Variants in MON2 observed in about 807,000 individuals in gnomAD.
MON2 encodes MON2 regulator of endosome-to-Golgi trafficking.
Under a neutral mutation model 208.6 loss-of-function variants are expected in MON2, and 84 were observed. The observed-to-expected ratio is 0.40, with a 90% CI of 0.34 to 0.48. The LOEUF is 0.48. MON2 is among the 20% of genes least tolerant of loss of function. MON2 has a pLI of 0.59. For missense variants in MON2, 1,611 were observed against 2,015.4 expected (o/e 0.80, Z 3.84); for synonymous variants, 660 against 694.0 (o/e 0.95, Z 0.77).
rs985765352 is a variant in MON2, at chr12:62,513,814, G to T, written c.984+5334G>T. 2.1e-5 allele frequency among the ~76,000 whole-genome samples: 3 copies of T among 145,860 alleles called. 1 individual carries two copies. The highest frequency in any genetic ancestry group is 4.6e-5 in the Non-Finnish European group (3 of 65,716). On this transcript the variant is annotated intron_variant, in intron 8 of 34. Coordinates refer to ENST00000393630, the MANE Select transcript of MON2 (RefSeq NM_015026.3). ...TACAAAAAAAAACTAGCCGAGCGTG[G>T]TGGCAGGCACTTGTAGTCCCAGCTA...
At position 62,467,287 on chromosome 12, in the gene MON2, A is replaced by T; in HGVS notation, c.80A>T (p.Glu27Val). The T allele has an allele frequency of 6.2e-7, 1 of 1,614,076 alleles. No homozygotes were observed. Among genetic ancestry groups the T allele is most frequent in the South Asian group, 1.1e-5 (1 of 91,084 alleles). ...MQSDLRALSLECKKKFPPVKE... is the reference protein window; with the variant it reads ...MQSDLRALSLVCKKKFPPVKE... ...AGCGACTTGCGCGCCTTGTCACTGG[A>T]GTGCAAGAAGAAATTCCCACCTGTC... Residue 27 changes from glutamate to valine, a missense_variant, in exon 1 of 35, where the codon GAG (glutamate) becomes GTG (valine). Coordinates refer to ENST00000393630, the MANE Select transcript of MON2 (RefSeq NM_015026.3).
intron 30 of MON2, among the ~76,000 whole-genome samples, chr12:62,574,232 TTAA>T (rs2074698557): frequency 1.3e-5 from 2 of 152,200 alleles, no homozygotes; most frequent in Admixed American, 1.3e-4. Flanking sequence ...ATTATTGTCA[TTAA>T]TGTTTTTTCT....
intron 12 of MON2, among the ~76,000 whole-genome samples, chr12:62,534,542 A>ATATATATATATAT (rs1306662466): frequency 1.6e-3 from 36 of 22,820 alleles, no homozygotes; most frequent in Non-Finnish European, 2.1e-3. Flanking sequence ...AAAAAAAAAA[A>ATATATATATATAT]ATATATATAT....
At chr12:62,546,685 C>T (rs1048196708) in intron 21 of MON2, among the ~76,000 whole-genome samples, 4 of 152,082 alleles carry the variant, frequency 2.6e-5, no homozygotes, top group East Asian at 1.9e-4. Flanking sequence ...ACCAAGGAGA[C>T]GGAGGTTGCA....
chr12:62,533,074 T>C (rs1454709603), intron 12 of MON2, among the ~76,000 whole-genome samples: 1 of 152,198 alleles, frequency 6.6e-6, no homozygotes, highest in Admixed American at 6.6e-5. Context: ...ACTTGGAAGT[T>C]TCTTAGTTTT....
chr12:62,472,051 T>C (rs1420058496), intron 1 of MON2, among the ~76,000 whole-genome samples: 1 of 152,152 alleles, frequency 6.6e-6, no homozygotes, highest in Admixed American at 6.5e-5. Flanking sequence ...TGGATCACTT[T>C]GGAGAAGTGG....
chr12:62,557,941 TATATATATATATATATATATA>T (rs1204326467), intron 25 of MON2, among the ~76,000 whole-genome samples: 22 of 39,208 alleles, frequency 5.6e-4, no homozygotes, highest in African/African-American at 2.2e-3. Flanking sequence ...TATATATATA[TATATATATATATATATATATA>T]TTTTTTTTTT....
At chr12:62,470,177 G>T (rs749893264) in intron 1 of MON2, among the ~76,000 whole-genome samples, 47 of 152,178 alleles carry the variant, frequency 3.1e-4, no homozygotes, top group Non-Finnish European at 6.2e-4. Flanking sequence ...AAAGTGCTAG[G>T]ATTATAGGCG....
At chr12:62,589,001 T>G (rs1211675229) in intron 34 of MON2, 5 of 772,660 alleles carry the variant, frequency 6.5e-6, no homozygotes, top group East Asian at 3.1e-5. Context: ...CAATTATGCA[T>G]GTACATGACT....
In MON2 at chr12:62,467,068, C is replaced by T; in HGVS notation, c.-140C>T. 3.0e-6 allele frequency: 2 copies of T among 659,338 alleles called. No homozygotes were observed. Among genetic ancestry groups the T allele is most frequent in the South Asian group, 1.8e-5 (1 of 54,920 alleles). 40.8% of individuals were successfully genotyped at this position (659,338 alleles called of 1,614,324 possible). A position where few individuals can be genotyped will look rare whatever the true frequency, so the allele number is the denominator to read the frequency against. On this transcript the variant is annotated 5_prime_UTR_variant, in exon 1 of 35. Coordinates refer to ENST00000393630, the MANE Select transcript of MON2 (RefSeq NM_015026.3). ...TGCTGGGGGACGCTCGAGCAGGCTCCGGGTTCGCAGCCCAGGGCCCAAGAA... is the reference window on the plus strand; with the variant it reads ...TGCTGGGGGACGCTCGAGCAGGCTCTGGGTTCGCAGCCCAGGGCCCAAGAA...
Position 62,475,879 on chromosome 12 carries a change from C to T in MON2, c.112-8291C>T, listed in dbSNP as rs537905283. On this transcript the variant is annotated intron_variant, in intron 1 of 34. Transcript: ENST00000393630. ...ACAAAAAATTACCTGGGCATGGTGG[C>T]GGACGCCTGTAATCCCAGCTACTCG... Among the ~76,000 whole-genome samples the T allele has an allele frequency of 4.3e-4, 66 of 151,804 alleles. No homozygotes were observed. The South Asian group carries it at 0.011, about 24-fold the overall frequency.
intron 25 of MON2, among the ~76,000 whole-genome samples, chr12:62,557,520 A>G (rs2074014209): frequency 1.3e-5 from 2 of 152,300 alleles, no homozygotes; most frequent in East Asian, 1.9e-4. Context: ...ACTACTTTCA[A>G]TTCTGGTGGT....
intron 30 of MON2, among the ~76,000 whole-genome samples, chr12:62,574,676 T>C (rs1201517522): frequency 1.3e-5 from 2 of 152,114 alleles, no homozygotes; most frequent in Non-Finnish European, 2.9e-5. Flanking sequence ...TAAGTTATGG[T>C]TATTCTAGTT....
At chr12:62,493,106 G>A (rs185796690) in intron 2 of MON2, among the ~76,000 whole-genome samples, 6 of 152,194 alleles carry the variant, frequency 3.9e-5, no homozygotes, top group Admixed American at 3.3e-4. Context: ...TTGGAATTCC[G>A]TGTTATTTAT....
At chr12:62,537,475 A>T (rs2073030061) in intron 15 of MON2, 127 bp from the exon 16 acceptor site, 2 of 755,242 alleles carry the variant, frequency 2.6e-6, no homozygotes, top group Admixed American at 3.3e-5. Flanking sequence ...TCCTTATAAA[A>T]CCTTCCAAAT....
At chr12:62,536,743 A>G (rs935912210) in intron 14 of MON2, among the ~76,000 whole-genome samples, 1 of 150,404 alleles carries the variant, frequency 6.6e-6, no homozygotes, top group Non-Finnish European at 1.5e-5. Flanking sequence ...CCTAGAGTGC[A>G]GTGACCCAGA....
In MON2 at chr12:62,495,071, A is replaced by C. The variant is rs759563519; in HGVS notation, c.359A>C (p.Glu120Ala). 6.2e-7 allele frequency: 1 copy of C among 1,611,682 alleles called. No homozygotes were observed. Among genetic ancestry groups the C allele is most frequent in the Non-Finnish European group, 8.5e-7 (1 of 1,178,138 alleles). The stretch of plus-strand genomic sequence containing the variant: ...TGGCAGCTAATGGAGAATAGTCTTG[A>C]AGAACTTAAGCTACTTCAAACAGTT... ...MLWQLMENSL[E>A]ELKLLQTVLV... The change falls in exon 4 of 35, where the codon GAA (glutamate) becomes GCA (alanine). Residue 120 changes from glutamate to alanine, a missense_variant. Glu to Ala is a moderately radical substitution (Grantham distance 107). Coordinates refer to ENST00000393630, the MANE Select transcript of MON2 (RefSeq NM_015026.3).
At chr12:62,575,095 CA>C (rs1374871289) in intron 30 of MON2, among the ~76,000 whole-genome samples, 3 of 152,164 alleles carry the variant, frequency 2.0e-5, no homozygotes, top group African/African-American at 7.2e-5. Flanking sequence ...CACTGCACTC[CA>C]GCCTGGGCAA....
chr12:62,497,513 G>A (rs896276959), intron 4 of MON2, among the ~76,000 whole-genome samples: 1 of 152,172 alleles, frequency 6.6e-6, no homozygotes, highest in Admixed American at 6.5e-5. Context: ...AAAAAAGACC[G>A]TACCAAGTGT....
Sources: gnomAD v4.1 joint callset for allele counts (sites outside exome capture counted in the v4.1 genomes callset) on GRCh38, gnomAD v4.1.1 for gene constraint, MANE v1.5 for transcripts, NCBI Gene and HGNC (gene_info 2026-07-23, HGNC 2026-07-21) for gene names.